ADGRD1: variants seen among roughly 807,000 people sequenced by gnomAD.
ADGRD1 encodes the protein adhesion G protein-coupled receptor D1, also known as G-protein coupled receptor 133.
In ADGRD1, 77 loss-of-function variants were observed where a neutral mutation model predicts 113.4. The ratio of observed to expected loss-of-function variants is 0.68; its 90% confidence interval spans 0.57 to 0.82. ADGRD1 has a LOEUF of 0.82. Among genes scored for constraint, ADGRD1 ranks in the 40% least tolerant of loss-of-function variants. The probability of loss-of-function intolerance (pLI) is 0.00; values close to 1 mark genes in which losing one functional copy is unlikely to be tolerated. For missense variants in ADGRD1, 1,036 were observed against 1,139.1 expected, an observed-to-expected ratio of 0.91 and a Z score of 1.30; for synonymous variants, 474 against 475.0, an observed-to-expected ratio of 1.00 and a Z score of 0.03.
At chr12:131,118,583 C>T (rs1950520385) in intron 19 of ADGRD1, 132 bp downstream of exon 19, 1 of 622,858 alleles carries the variant, frequency 1.6e-6, no homozygotes, top group Non-Finnish European at 2.8e-6. Flanking sequence ...CCCACAGGCC[C>T]AGCCGGTGAG....
intron 12 of ADGRD1, among the ~76,000 whole-genome samples, chr12:131,010,660 G>A (rs1012654499): frequency 6.6e-6 from 1 of 152,212 alleles, no homozygotes; most frequent in African/African-American, 2.4e-5. Context: ...GGTGAAGGAC[G>A]CAGAGCCTGA....
At chr12:131,035,730 G>A (rs202094639) in intron 13 of ADGRD1, among the ~76,000 whole-genome samples, 27 of 152,242 alleles carry the variant, frequency 1.8e-4, no homozygotes, top group East Asian at 1.5e-3. Flanking sequence ...ATTATTTATC[G>A]AAGAAACTGT....
At chr12:131,121,612 T>C (rs1950596252) in intron 20 of ADGRD1, among the ~76,000 whole-genome samples, 1 of 152,308 alleles carries the variant, frequency 6.6e-6, no homozygotes, top group African/African-American at 2.4e-5. Flanking sequence ...ACTCCTGACC[T>C]CAGGTGATCT....
At chr12:130,973,074 C>T (rs1458501186) in intron 4 of ADGRD1, 1 of 152,186 alleles carries the variant, frequency 6.6e-6, no homozygotes, top group African/African-American at 2.4e-5. Context: ...GAAATTTCCA[C>T]AGATTTCCAG....
chr12:131,123,050 T>G (rs868351593), intron 20 of ADGRD1, among the ~76,000 whole-genome samples: 68 of 123,148 alleles, frequency 5.5e-4, no homozygotes, highest in East Asian at 1.9e-3. Context: ...TTTTTTTTTT[T>G]TTTTTTTTTT....
rs550171280 is a variant in ADGRD1, at chr12:131,127,230, C to T, written c.2176-4495C>T. ...ATGAAACACTTAGAGTGCATCTTAA[C>T]GCAAAGCGGTCAAGATAAAGTAAAG... On this transcript the variant is annotated intron_variant, in intron 20 of 24. Coordinates refer to ENST00000261654, the MANE Select transcript of ADGRD1 (RefSeq NM_198827.5). Among the ~76,000 whole-genome samples the T allele has an allele frequency of 1.1e-4, 16 of 152,308 alleles. No individual in the cohort carries two copies. In the South Asian group the frequency reaches 2.1e-3, roughly 20 times the overall value.
chr12:130,980,213 T>C lies in ADGRD1; in HGVS notation c.311-1671T>C, dbSNP rs568660050. Among the ~76,000 whole-genome samples the C allele has an allele frequency of 2.6e-4, 40 of 151,872 alleles. No individual in the cohort carries two copies. In the East Asian group the frequency reaches 5.6e-3, roughly 21 times the overall value. On this transcript the variant is annotated intron_variant, in intron 4 of 24. Coordinates refer to ENST00000261654, the MANE Select transcript of ADGRD1 (RefSeq NM_198827.5). The stretch of plus-strand genomic sequence containing the variant: ...TCTGCCTCCCGGGTTCACGCCATTC[T>C]CCTGCCTCAGCCTCCTGAGCAGCTG...
At chr12:131,085,656 C>T (rs1036751451) in intron 15 of ADGRD1, among the ~76,000 whole-genome samples, 8 of 152,298 alleles carry the variant, frequency 5.3e-5, no homozygotes, top group East Asian at 3.9e-4. Flanking sequence ...CTGTCGGTTG[C>T]GCTCACAGAA....
At chr12:130,989,063 A>C (rs1874049621) in intron 6 of ADGRD1, 1 of 152,208 alleles carries the variant, frequency 6.6e-6, no homozygotes. Flanking sequence ...ACAGCCTTCG[A>C]CATTTACATC....
At chr12:131,124,067 G>A (rs1426182246) in intron 20 of ADGRD1, among the ~76,000 whole-genome samples, 2 of 152,206 alleles carry the variant, frequency 1.3e-5, no homozygotes, top group Non-Finnish European at 2.9e-5. Flanking sequence ...TCAACCTCTG[G>A]GCCAGGGGGT....
chr12:131,132,281 G>A (rs1271554456), intron 21 of ADGRD1, among the ~76,000 whole-genome samples: 3 of 152,216 alleles, frequency 2.0e-5, no homozygotes, highest in Admixed American at 2.0e-4. Flanking sequence ...AGGGAGAGCA[G>A]TGTCCTGGTG....
intron 20 of ADGRD1, among the ~76,000 whole-genome samples, chr12:131,121,483 C>T (rs190337240): frequency 2.0e-5 from 3 of 152,260 alleles, no homozygotes; most frequent in East Asian, 3.9e-4. Flanking sequence ...TGGGTTCAGG[C>T]GATTCTCCTG....
At chr12:131,063,616 C>T (rs1309625708) in intron 13 of ADGRD1, among the ~76,000 whole-genome samples, 1 of 152,202 alleles carries the variant, frequency 6.6e-6, no homozygotes, top group Non-Finnish European at 1.5e-5. Flanking sequence ...GGCTCTGTCT[C>T]ATTGATCTAA....
intron 15 of ADGRD1, among the ~76,000 whole-genome samples, chr12:131,101,373 C>CTTTTT (rs796951608): frequency 2.4e-4 from 19 of 79,356 alleles, no homozygotes; most frequent in African/African-American, 3.2e-4. Flanking sequence ...CTTTTTCTTT[C>CTTTTT]TTTCTTTTTT....
intron 12 of ADGRD1, among the ~76,000 whole-genome samples, chr12:131,008,665 T>C (rs1305923435): frequency 6.6e-6 from 1 of 152,124 alleles, no homozygotes; most frequent in Non-Finnish European, 1.5e-5. Context: ...ATCCTTTGAG[T>C]CTCACTCGCT....
At chr12:131,120,825 A>G in intron 19 of ADGRD1, 22 bp from the exon 20 acceptor site, 1 of 1,614,056 alleles carries the variant, frequency 6.2e-7, no homozygotes, top group Non-Finnish European at 8.5e-7. Context: ...TGTTGAAGTA[A>G]CGGCTCTGCT....
chr12:130,992,933 T>C (rs1230620408), intron 8 of ADGRD1, among the ~76,000 whole-genome samples: 2 of 152,108 alleles, frequency 1.3e-5, no homozygotes, highest in Non-Finnish European at 2.9e-5. Context: ...CTTGCTGTCT[T>C]CTGTTTTAGG....
Position 131,060,314 on chromosome 12 carries a change from G to A in ADGRD1, c.1474-16487G>A, listed in dbSNP as rs1295641156. Among the ~76,000 whole-genome samples, 1 of 152,246 alleles carries A rather than the reference G, an allele frequency of 6.6e-6. No individual in the cohort carries two copies. Among genetic ancestry groups the A allele is most frequent in the South Asian group, 2.1e-4 (1 of 4,826 alleles). On this transcript the variant is annotated intron_variant, in intron 13 of 24. Transcript: ENST00000261654. This position sits in a 1 kb window ranked among gnomAD's most constrained non-coding sequence, Gnocchi z 4.4. ...GGCCACACTTTCTCCCGTGGTATTTGGAGTAGCTAATTACTGCCTGTCTAG... is the reference window on the plus strand; with the variant it reads ...GGCCACACTTTCTCCCGTGGTATTTAGAGTAGCTAATTACTGCCTGTCTAG...
At chr12:130,981,661 A>C (rs1478919350) in intron 4 of ADGRD1, among the ~76,000 whole-genome samples, 2 of 152,226 alleles carry the variant, frequency 1.3e-5, no homozygotes, top group Non-Finnish European at 2.9e-5. Context: ...TTAAAAGGCG[A>C]GAATTCATTT....
Sources: allele counts gnomAD v4.1 joint callset (sites outside exome capture counted in the v4.1 genomes callset), GRCh38; gene constraint gnomAD v4.1.1; non-coding constraint Gnocchi (gnomAD v3.1); transcripts MANE v1.5; gene names NCBI Gene and HGNC (gene_info 2026-07-23, HGNC 2026-07-21).